The following ZNF285 variants were observed in gnomAD, a reference collection of about 807,000 sequenced individuals.
ZNF285 encodes the protein zinc finger protein 285A.
ZNF285 carries 4 observed loss-of-function variants against 6.2 expected under a neutral mutation model. That is an observed-to-expected ratio of 0.65 (90% CI 0.32 to 1.49). The LOEUF is 1.49. Ranked by LOEUF, ZNF285 falls within the 40% of genes most tolerant of loss-of-function variation. The pLI is 0.07. For synonymous variants in ZNF285, 240 were observed against 245.8 expected, an observed-to-expected ratio of 0.98 and a Z score of 0.22; for missense variants, 695 against 708.8, an observed-to-expected ratio of 0.98 and a Z score of 0.22.
At chr19:44,397,466 C>T (rs1026677287) in intron 1 of ZNF285, among the ~76,000 whole-genome samples, 1 of 152,170 alleles carries the variant, frequency 6.6e-6, no homozygotes, top group African/African-American at 2.4e-5. Context: ...TAACTCCTAT[C>T]TCTCTCCTGA....
intron 3 of ZNF285, among the ~76,000 whole-genome samples, chr19:44,391,717 G>C (rs1050578345): frequency 2.0e-5 from 3 of 152,172 alleles, no homozygotes; most frequent in Admixed American, 1.3e-4. Flanking sequence ...AATTCAAGAC[G>C]AGACTTGGGT....
intron 2 of ZNF285, 27 bp from the exon 3 acceptor site, chr19:44,392,493 AATC>A: frequency 6.2e-7 from 1 of 1,613,740 alleles, no homozygotes; most frequent in Non-Finnish European, 8.5e-7. Flanking sequence ...ATGCCACGTC[AATC>A]ATCCACACAA....
At chr19:44,389,619 T>C (rs1309144529) in intron 3 of ZNF285, among the ~76,000 whole-genome samples, 1 of 151,472 alleles carries the variant, frequency 6.6e-6, no homozygotes, top group Non-Finnish European at 1.5e-5. Flanking sequence ...TATTAATCTA[T>C]TTTTTTTCTT....
At chr19:44,394,541 C>G (rs1971249404) in intron 2 of ZNF285, 1 of 570,264 alleles carries the variant, frequency 1.8e-6, no homozygotes. Context: ...TCCCTTGAAT[C>G]TAAAATAAAA....
At chr19:44,389,943 T>C (rs1037682641) in intron 3 of ZNF285, among the ~76,000 whole-genome samples, 2 of 152,192 alleles carry the variant, frequency 1.3e-5, no homozygotes, top group Admixed American at 6.5e-5. Flanking sequence ...AAATCCGAGT[T>C]CTTCTTATAA....
At position 44,392,059 on chromosome 19, in the gene ZNF285, A is replaced by G. The variant is rs1971204958; in HGVS notation, c.142+281T>C. On this transcript the variant is annotated intron_variant, in intron 3 of 3. Coordinates refer to ENST00000614994, the MANE Select transcript of ZNF285 (RefSeq NM_152354.6). ...CATTCTGAGAAATATGAGGAATGAGAGCCTAAATGTGTGAGTAGGGGAGGG... is the reference window on the plus strand; with the variant it reads ...CATTCTGAGAAATATGAGGAATGAGGGCCTAAATGTGTGAGTAGGGGAGGG... 4.2e-6 allele frequency: 3 copies of G among 712,786 alleles called. No individual in the cohort carries two copies. The East Asian group carries it at 1.3e-4, about 30-fold the overall frequency. The allele number at this position is 712,786 out of a possible 1,614,324, so 44.2% of individuals were successfully genotyped here. A position where few individuals can be genotyped will look rare whatever the true frequency, so the allele number is the denominator to read the frequency against.
chr19:44,392,518 T>G, intron 2 of ZNF285, 52 bp from the exon 3 acceptor site: 1 of 1,613,626 alleles, frequency 6.2e-7, no homozygotes, highest in Non-Finnish European at 8.5e-7. Flanking sequence ...TGACTGGTCT[T>G]AGTCTGTTTG....
chr19:44,387,092 A>G lies in ZNF285; in HGVS notation c.1153T>C (p.Ser385Pro), dbSNP rs767410872. The change falls in exon 4 of 4, where the codon TCC becomes CCC. Residue 385 changes from serine (S) to proline (P), a missense_variant. Transcript: ENST00000614994. ...ACTCTCTGATGGACAAGAAGGTTGG[A>G]GCTCTGATCAAAGCCCTTCCCACAC... ...EECGKGFDQS[S>P]NLLVHQRVHT... 1.3e-5 allele frequency: 21 copies of G among 1,614,020 alleles called. No individual in the cohort carries two copies. In the Admixed American group the frequency reaches 3.3e-4, roughly 26 times the overall value.
At chr19:44,388,569 C>T (rs1170274426) in intron 3 of ZNF285, among the ~76,000 whole-genome samples, 1 of 151,934 alleles carries the variant, frequency 6.6e-6, no homozygotes, top group Non-Finnish European at 1.5e-5. Flanking sequence ...AAGACCTTTC[C>T]ACCCCCACAC....
intron 1 of ZNF285, among the ~76,000 whole-genome samples, chr19:44,399,427 C>A (rs1323273184): frequency 6.9e-6 from 1 of 145,112 alleles, no homozygotes; most frequent in Non-Finnish European, 1.5e-5. Context: ...AGTCTTTTAT[C>A]CACTGTACTT....
intron 3 of ZNF285, among the ~76,000 whole-genome samples, chr19:44,388,398 A>G (rs113955212): frequency 0.085 from 12,635 of 148,902 alleles, 877 homozygotes; most frequent in East Asian, 0.19. Flanking sequence ...TGGGCAATAT[A>G]ATGAGATTCC....
chr19:44,397,841 G>A (rs12151055), intron 1 of ZNF285, among the ~76,000 whole-genome samples: 59,697 of 149,540 alleles, frequency 0.4, 15,887 homozygotes, highest in East Asian at 0.75. Context: ...TTGCACCACT[G>A]CACTCCAGCC....
chr19:44,393,078 A>G (rs1490817856), intron 2 of ZNF285, among the ~76,000 whole-genome samples: 2 of 152,166 alleles, frequency 1.3e-5, no homozygotes, highest in African/African-American at 4.8e-5. Context: ...AAATAGTGGT[A>G]TCAATGTGAA....
Position 44,387,559 on chromosome 19 carries a change from G to C in ZNF285, c.686C>G (p.Pro229Arg). The change falls in exon 4 of 4, where the codon CCA becomes CGA. Residue 229 changes from proline to arginine, a missense_variant. Transcript: ENST00000614994. ...ACAGTTATTACATGGGAAAGGCTGT[G>C]GTAATACATGGGCCGCATTACGTTT... ...VEKRNAAHVLPQPFPCNNCGV... is the reference protein window; with the variant it reads ...VEKRNAAHVLRQPFPCNNCGV... 7 of 1,613,930 alleles carry C rather than the reference G, an allele frequency of 4.3e-6. No homozygotes were observed. Among genetic ancestry groups the C allele is most frequent in the Non-Finnish European group, 5.9e-6 (7 of 1,179,854 alleles).
rs1376964915 is a variant in ZNF285 at position 44,386,454 on chromosome 19, A to T, written c.*18T>A. 6.2e-7 allele frequency: 1 copy of T among 1,601,756 alleles called. No individual in the cohort carries two copies. Among genetic ancestry groups the T allele is most frequent in the South Asian group, 1.1e-5 (1 of 89,688 alleles). On this transcript the variant is annotated 3_prime_UTR_variant, in exon 4 of 4. Coordinates refer to ENST00000614994, the MANE Select transcript of ZNF285 (RefSeq NM_152354.6). ...AGTGTGGCTTCTGTTTTACTAATTG[A>T]ACCCTGACTTACTACATTTATAATG...
At chr19:44,401,516 C>A (rs1428222507) in intron 1 of ZNF285, 52 bp downstream of exon 1, 1 of 152,526 alleles carries the variant, frequency 6.6e-6, no homozygotes, top group Non-Finnish European at 1.5e-5. Flanking sequence ...ACATCCTACA[C>A]TCCTACTCCT....
In ZNF285 at chr19:44,385,000, C is replaced by CAAAAAAAAAAAAAA. The variant is rs56735186; in HGVS notation, c.*1458_*1471dup. 1.6e-5 allele frequency: 1 copy of CAAAAAAAAAAAAAA among 64,382 alleles called. No homozygotes were observed. The highest frequency in any genetic ancestry group is 2.9e-5 in the Non-Finnish European group (1 of 34,482). 4.0% of individuals were successfully genotyped at this position (64,382 alleles called of 1,614,324 possible). A position where few individuals can be genotyped will look rare whatever the true frequency, so the allele number is the denominator to read the frequency against. ...GGGTGACACAGCAAGACCCTGTTTCCAAAAAAAAAAAAAAAAAAAAAAAGC... is the reference window on the plus strand; with the variant it reads ...GGGTGACACAGCAAGACCCTGTTTCCAAAAAAAAAAAAAAAAAAAAAAAAAAAAAAAAAAAAAGC... On this transcript the variant is annotated 3_prime_UTR_variant, in exon 4 of 4. Transcript: ENST00000614994.
intron 3 of ZNF285, among the ~76,000 whole-genome samples, chr19:44,391,942 G>C (rs770896266): frequency 4.6e-5 from 7 of 152,122 alleles, no homozygotes; most frequent in South Asian, 4.1e-4. Context: ...TTTAACACCG[G>C]TTTATCCAAA....
intron 3 of ZNF285, among the ~76,000 whole-genome samples, chr19:44,390,011 A>C (rs1437441631): frequency 6.6e-6 from 1 of 152,148 alleles, no homozygotes; most frequent in East Asian, 1.9e-4. Context: ...ATCCATTGAT[A>C]TGGTTTGGCT....
Sources: gnomAD v4.1 joint callset for allele counts (sites outside exome capture counted in the v4.1 genomes callset) on GRCh38, gnomAD v4.1.1 for gene constraint, MANE v1.5 for transcripts, NCBI Gene and HGNC (gene_info 2026-07-23, HGNC 2026-07-21) for gene names.